Variants in PHF24 observed in about 807,000 individuals in gnomAD.
PHF24 encodes PHD finger protein 24.
PHF24 carries 25 observed loss-of-function variants against 42.6 expected under a neutral mutation model. That is an observed-to-expected ratio of 0.59 (90% CI 0.43 to 0.82). The LOEUF (loss-of-function observed/expected upper bound fraction) is 0.82, where lower values mean the gene tolerates loss of function less well. Ranked by LOEUF, PHF24 falls within the 40% of genes least tolerant of loss-of-function variation. The pLI is 0.00. For missense variants in PHF24, 470 were observed against 538.1 expected (o/e 0.87, Z 1.25); for synonymous variants, 185 against 204.8 (o/e 0.90, Z 0.83).
At chr9:34,762,592 T>G in the PHF24 span, among the ~76,000 whole-genome samples, 1 of 147,158 alleles carries the variant, frequency 6.8e-6, no homozygotes, top group Non-Finnish European at 1.5e-5. Context: ...AGATTCTGGA[T>G]ATTAGCCCTT....
chr9:34,824,588 G>A, the PHF24 span, among the ~76,000 whole-genome samples: 7 of 143,654 alleles, frequency 4.9e-5, no homozygotes. Context: ...TATCTTAGAT[G>A]AGGAAGGTGT....
At chr9:34,833,182 A>G in the PHF24 span, 5 of 1,539,810 alleles carry the variant, frequency 3.2e-6, no homozygotes, top group Middle Eastern at 1.7e-4. Flanking sequence ...GCATGGGGAC[A>G]TGGGCTGGGT....
the PHF24 span, among the ~76,000 whole-genome samples, chr9:34,707,876 C>T: frequency 2.0e-5 from 3 of 152,050 alleles, no homozygotes; most frequent in East Asian, 1.9e-4. Context: ...GGATTACAGG[C>T]GCCCGCCACA....
chr9:34,863,986 T>G, the PHF24 span, among the ~76,000 whole-genome samples: 1 of 151,928 alleles, frequency 6.6e-6, no homozygotes, highest in Non-Finnish European at 1.5e-5. Flanking sequence ...AACTCTGGAG[T>G]TGAAAAATAC....
At chr9:34,917,944 G>A in the PHF24 span, 2 of 1,572,722 alleles carry the variant, frequency 1.3e-6, no homozygotes, top group Non-Finnish European at 1.8e-6. Context: ...ACCAACTTTA[G>A]CACCAAGGCC....
chr9:34,875,395 G>T, the PHF24 span, among the ~76,000 whole-genome samples: 3 of 152,068 alleles, frequency 2.0e-5, no homozygotes, highest in Non-Finnish European at 4.4e-5. Flanking sequence ...TGCAGGTCCA[G>T]GCCTATTATT....
At chr9:34,693,218 C>G in the PHF24 span, among the ~76,000 whole-genome samples, 1 of 152,172 alleles carries the variant, frequency 6.6e-6, no homozygotes, top group Non-Finnish European at 1.5e-5. Flanking sequence ...CCAGCCTATC[C>G]ATTCTCCACT....
At chr9:34,917,139 C>A in the PHF24 span, 3 of 979,130 alleles carry the variant, frequency 3.1e-6, no homozygotes, top group Non-Finnish European at 4.9e-6. Context: ...CTACCTTTAC[C>A]GGCCCGTCTG....
chr9:34,852,822 T>C, the PHF24 span, among the ~76,000 whole-genome samples: 222 of 152,348 alleles, frequency 1.5e-3, 3 homozygotes, highest in East Asian at 0.011. Flanking sequence ...AGTTGGAGTC[T>C]CACTGTGTTG....
At chr9:34,941,614 T>A in the PHF24 span, among the ~76,000 whole-genome samples, 1 of 152,208 alleles carries the variant, frequency 6.6e-6, no homozygotes, top group Non-Finnish European at 1.5e-5. Flanking sequence ...GAAATTTATT[T>A]CTTACAGTTC....
Position 34,977,661 on chromosome 9 carries a change from C to G in PHF24, c.1106+20C>G. On this transcript the variant is annotated intron_variant, in intron 7 of 7. Transcript: ENST00000242315. Reference sequence around the variant, plus strand: ...GTCCAGGTGAGTAGGACCTCCTCACCTGGCCATTTGTACCCTCTGAACCCC... The same window carrying G: ...GTCCAGGTGAGTAGGACCTCCTCACGTGGCCATTTGTACCCTCTGAACCCC... The G allele has an allele frequency of 6.4e-7, 1 of 1,557,432 alleles. No individual in the cohort carries two copies. Among genetic ancestry groups the G allele is most frequent in the Non-Finnish European group, 8.7e-7 (1 of 1,144,642 alleles).
chr9:34,967,483 G>A (rs940388886), intron 1 of PHF24, among the ~76,000 whole-genome samples: 2 of 152,218 alleles, frequency 1.3e-5, no homozygotes, highest in Non-Finnish European at 2.9e-5. Flanking sequence ...ACAGTTGAAA[G>A]TTTTGAGAAA....
chr9:34,784,410 T>G, the PHF24 span, among the ~76,000 whole-genome samples: 3 of 152,242 alleles, frequency 2.0e-5, no homozygotes, highest in Non-Finnish European at 4.4e-5. Context: ...AAATGTACTA[T>G]GACCTTTTTA....
At chr9:34,818,975 T>G in the PHF24 span, among the ~76,000 whole-genome samples, 1 of 152,220 alleles carries the variant, frequency 6.6e-6, no homozygotes, top group Non-Finnish European at 1.5e-5. Context: ...AGTTTCAAGT[T>G]TTGTATTAGA....
At chr9:34,718,417 C>T in the PHF24 span, among the ~76,000 whole-genome samples, 1 of 152,218 alleles carries the variant, frequency 6.6e-6, no homozygotes, top group South Asian at 2.1e-4. Flanking sequence ...CTGGTCAGCC[C>T]TGTGAGGCAT....
At chr9:34,721,793 A>T in the PHF24 span, among the ~76,000 whole-genome samples, 1 of 151,958 alleles carries the variant, frequency 6.6e-6, no homozygotes, top group Non-Finnish European at 1.5e-5. Context: ...GTCATCAATG[A>T]TCTCTGTGTG....
chr9:34,937,199 G>C, the PHF24 span, among the ~76,000 whole-genome samples: 2 of 152,228 alleles, frequency 1.3e-5, no homozygotes, highest in Non-Finnish European at 2.9e-5. Flanking sequence ...CGGTTTTGTG[G>C]AATAGAAAGG....
the PHF24 span, among the ~76,000 whole-genome samples, chr9:34,948,965 G>A: frequency 6.6e-6 from 1 of 152,158 alleles, no homozygotes; most frequent in Admixed American, 6.5e-5. Flanking sequence ...ATAATGATAA[G>A]CGGGTTGATT....
chr9:34,881,278 C>T, the PHF24 span, among the ~76,000 whole-genome samples: 1 of 151,966 alleles, frequency 6.6e-6, no homozygotes, highest in African/African-American at 2.4e-5. Context: ...AAACTGACAC[C>T]CTAACATCAC....
Sources: gnomAD v4.1 joint callset for allele counts (sites outside exome capture counted in the v4.1 genomes callset) on GRCh38, gnomAD v4.1.1 for gene constraint, MANE v1.5 for transcripts, NCBI Gene and HGNC (gene_info 2026-07-23, HGNC 2026-07-21) for gene names.